ZNF362: variants seen among roughly 807,000 people sequenced by gnomAD.
ZNF362 encodes the protein zinc finger protein 362.
A neutral mutation model predicts 42.9 loss-of-function variants in ZNF362; 11 were observed. The ratio of observed to expected loss-of-function variants is 0.26; its 90% CI spans 0.16 to 0.42. The LOEUF (loss-of-function observed/expected upper bound fraction) is 0.42. ZNF362 is among the 20% of genes least tolerant of loss of function. The pLI, the probability that ZNF362 is intolerant of heterozygous loss-of-function variation, is 1.00. For missense variants in ZNF362, 362 were observed against 576.2 expected (o/e 0.63, Z 3.81); for synonymous variants, 255 against 257.3 (o/e 0.99, Z 0.09).
the ZNF362 span, among the ~76,000 whole-genome samples, chr1:33,174,935 A>T: frequency 1.4e-5 from 1 of 70,966 alleles, no homozygotes; most frequent in Non-Finnish European, 2.7e-5. Flanking sequence ...ACACACATAC[A>T]TATATGTGTG....
In ZNF362 at chr1:33,261,667, T is replaced by A. The variant is rs896414009; in HGVS notation, c.-89+5013T>A. 3 of 152,224 alleles carry A rather than the reference T, an allele frequency of 2.0e-5. No individual in the cohort carries two copies. The East Asian group carries it at 5.8e-4, about 29-fold the overall frequency. The allele number at this position is 152,224 out of a possible 1,614,324, so 9.4% of individuals were successfully genotyped here. A position where few individuals can be genotyped will look rare whatever the true frequency, so the allele number is the denominator to read the frequency against. ...ACACCGTTATCTCTCCAATAAAGTCTGTATCTGATGACATTTATGTATGCA... is the reference window on the plus strand; with the variant it reads ...ACACCGTTATCTCTCCAATAAAGTCAGTATCTGATGACATTTATGTATGCA... On this transcript the variant is annotated intron_variant, in intron 1 of 8. Transcript: ENST00000539719.
At chr1:33,253,250 G>A (rs1645770392), upstream of ZNF362, among the ~76,000 whole-genome samples, 1 of 146,670 alleles carries the variant, frequency 6.8e-6, no homozygotes. Flanking sequence ...GGGAAAGGGG[G>A]ATGGGTGCCA....
At chr1:33,189,669 A>ATATATATATATG in the ZNF362 span, among the ~76,000 whole-genome samples, 1 of 33,220 alleles carries the variant, frequency 3.0e-5, no homozygotes, top group Non-Finnish European at 7.2e-5. Context: ...ATATATATAT[A>ATATATATATATG]TATGTATATA....
At position 33,270,696 on chromosome 1, in the gene ZNF362, T is replaced by C. The variant is rs919390878; in HGVS notation, c.38+84T>C. On this transcript the variant is annotated intron_variant, in intron 2 of 8. Transcript: ENST00000539719. ...TTAAAGCATTGTGTTCGTCCCACCT[T>C]CCCTGAGTGCCCCCGCTGCTACCCT... The C allele has an allele frequency of 4.5e-6, 7 of 1,566,568 alleles. No homozygotes were observed. In the African/African-American group the frequency reaches 9.5e-5, roughly 21 times the overall value.
At chr1:33,212,943 A>G in the ZNF362 span, among the ~76,000 whole-genome samples, 652 of 152,346 alleles carry the variant, frequency 4.3e-3, 6 homozygotes, top group African/African-American at 0.015. Flanking sequence ...TTTATTTAGA[A>G]GTAACCCTAA....
the ZNF362 span, among the ~76,000 whole-genome samples, chr1:33,207,846 G>T: frequency 6.6e-6 from 1 of 151,770 alleles, no homozygotes; most frequent in African/African-American, 2.4e-5. Context: ...CTGGATATTA[G>T]CCCTTTGTCA....
chr1:33,152,998 T>C, the ZNF362 span, among the ~76,000 whole-genome samples: 1 of 123,062 alleles, frequency 8.1e-6, no homozygotes, highest in Admixed American at 1.1e-4. Context: ...AAGGTCACAG[T>C]TGGAGGAGAG....
the ZNF362 span, among the ~76,000 whole-genome samples, chr1:33,208,093 C>T: frequency 6.6e-6 from 1 of 151,960 alleles, no homozygotes; most frequent in African/African-American, 2.4e-5. Flanking sequence ...TTTAATCCAT[C>T]TTGAGTTAAT....
the ZNF362 span, among the ~76,000 whole-genome samples, chr1:33,198,283 G>A: frequency 2.0e-5 from 3 of 152,034 alleles, no homozygotes; most frequent in Non-Finnish European, 2.9e-5. Context: ...GGGAGACCAG[G>A]GTATTTGAGC....
chr1:33,239,700 G>A, the ZNF362 span, among the ~76,000 whole-genome samples: 5 of 152,102 alleles, frequency 3.3e-5, no homozygotes, highest in African/African-American at 1.2e-4. Flanking sequence ...AACAGCATGG[G>A]GGAACCGCCC....
rs189355454 is a variant in ZNF362 at position 33,262,215 on chromosome 1, G to A, written c.-89+5561G>A. Among the ~76,000 whole-genome samples the A allele has an allele frequency of 7.3e-5, 11 of 151,512 alleles. No homozygotes were observed. The East Asian group carries it at 2.1e-3, about 29-fold the overall frequency. ...GGTCCTGCCTTGTTCCCTGCCTCAT[G>A]CATGTGGCCACAAGGGTACTCTTGG... is the stretch of plus-strand genomic sequence containing the variant. On this transcript the variant is annotated intron_variant, in intron 1 of 8. Coordinates refer to ENST00000539719, the MANE Select transcript of ZNF362 (RefSeq NM_152493.3).
chr1:33,165,585 C>T, the ZNF362 span: 17 of 1,592,660 alleles, frequency 1.1e-5, no homozygotes, highest in East Asian at 2.5e-4. This position sits in a 1 kb window ranked among gnomAD's most constrained non-coding sequence, Gnocchi z 4.0. Context: ...CACACAGGGC[C>T]GGGATGGGGG....
intron 8 of ZNF362, among the ~76,000 whole-genome samples, chr1:33,297,168 T>C (rs1007640960): frequency 2.0e-5 from 3 of 152,092 alleles, no homozygotes; most frequent in Admixed American, 1.3e-4. Flanking sequence ...GGAAAAGGGC[T>C]CCAAAGGGGT....
At chr1:33,270,744 G>A (rs1645896878) in intron 2 of ZNF362, 132 bp downstream of exon 2, 1 of 1,477,402 alleles carries the variant, frequency 6.8e-7, no homozygotes, top group Non-Finnish European at 9.0e-7. Context: ...TGGGGGAGGT[G>A]TGTGCTTACC....
At chr1:33,258,232 C>G (rs1645807109) in intron 1 of ZNF362, among the ~76,000 whole-genome samples, 1 of 152,134 alleles carries the variant, frequency 6.6e-6, no homozygotes, top group African/African-American at 2.4e-5. Flanking sequence ...GGCCTGCTGG[C>G]TCCGCAGGCT....
At chr1:33,192,796 T>C in the ZNF362 span, among the ~76,000 whole-genome samples, 1 of 152,142 alleles carries the variant, frequency 6.6e-6, no homozygotes, top group African/African-American at 2.4e-5. Flanking sequence ...TCTGATTACC[T>C]GCTAAAATGC....
intron 6 of ZNF362, among the ~76,000 whole-genome samples, chr1:33,288,375 GT>G (rs1464580387): frequency 6.6e-6 from 1 of 152,196 alleles, no homozygotes; most frequent in Non-Finnish European, 1.5e-5. Context: ...GACTGGGACA[GT>G]GGGGGGTGAA....
chr1:33,213,871 A>C, the ZNF362 span, among the ~76,000 whole-genome samples: 1 of 151,880 alleles, frequency 6.6e-6, no homozygotes, highest in African/African-American at 2.4e-5. Flanking sequence ...CCAAAACAAA[A>C]CAAAACAAAA....
chr1:33,230,443 A>G, the ZNF362 span, among the ~76,000 whole-genome samples: 1 of 152,214 alleles, frequency 6.6e-6, no homozygotes, highest in Non-Finnish European at 1.5e-5. Flanking sequence ...GGAAAGGAAA[A>G]GCAAAACCAG....
Sources: allele counts gnomAD v4.1 joint callset (sites outside exome capture counted in the v4.1 genomes callset), GRCh38; gene constraint gnomAD v4.1.1; non-coding constraint Gnocchi (gnomAD v3.1); transcripts MANE v1.5; gene names NCBI Gene and HGNC (gene_info 2026-07-23, HGNC 2026-07-21).